Variants in CMTM4 observed in about 807,000 individuals in gnomAD.
CMTM4 encodes the protein CKLF-like MARVEL transmembrane domain-containing protein 4.
In CMTM4, 8 loss-of-function variants were observed where a neutral mutation model predicts 19.0. The ratio of observed to expected loss-of-function variants is 0.42; its 90% CI spans 0.25 to 0.76. CMTM4 has a LOEUF of 0.76. Among genes scored for constraint, CMTM4 ranks in the 30% least tolerant of loss-of-function variants. The pLI is 0.27. For missense variants in CMTM4, 228 were observed against 290.2 expected (o/e 0.79, Z 1.56); for synonymous variants, 106 against 121.1 (o/e 0.88, Z 0.82).
intron 2 of CMTM4, among the ~76,000 whole-genome samples, chr16:66,629,899 G>A (rs1181724668): frequency 6.6e-6 from 1 of 152,182 alleles, no homozygotes; most frequent in Non-Finnish European, 1.5e-5. Context: ...CTGCATCTGA[G>A]GCCCTCCAGA....
In CMTM4 at chr16:66,617,175, A is replaced by AAGTCACCTGAATTAAAGCCTC; in HGVS notation, c.*4862_*4882dup. 1 of 1,161,512 alleles carries AAGTCACCTGAATTAAAGCCTC rather than the reference A, an allele frequency of 8.6e-7. No homozygotes were observed. The highest frequency in any genetic ancestry group is 2.3e-5 in the Admixed American group (1 of 44,262). The allele number at this position is 1,161,512 out of a possible 1,614,324, so 72.0% of individuals were successfully genotyped here. On this transcript the variant is annotated 3_prime_UTR_variant, in exon 4 of 4. Transcript: ENST00000394106. ...ACGCCACCCCAGGTGTCTAGATAGC[A>AAGTCACCTGAATTAAAGCCTC]AGTCACCTGAATTAAAGCCTCAGCA... is the stretch of plus-strand genomic sequence containing the variant.
At chr16:66,689,126 A>G (rs2017090532) in intron 1 of CMTM4, among the ~76,000 whole-genome samples, 1 of 152,168 alleles carries the variant, frequency 6.6e-6, no homozygotes, top group Admixed American at 6.5e-5. Context: ...GTCTCCTATT[A>G]ATTTTTTTGC....
chr16:66,605,957 C>G, the CMTM4 span, among the ~76,000 whole-genome samples: 1 of 151,928 alleles, frequency 6.6e-6, no homozygotes, highest in Non-Finnish European at 1.5e-5. The surrounding 1 kb of genome is among the most constrained non-coding windows in gnomAD (Gnocchi z 4.6). Context: ...CCAGCCCCAC[C>G]CTGGAGACCA....
intron 2 of CMTM4, among the ~76,000 whole-genome samples, chr16:66,630,611 AT>A (rs1280812782): frequency 6.6e-6 from 1 of 151,864 alleles, no homozygotes; most frequent in African/African-American, 2.4e-5. Context: ...AGGTGCCGGG[AT>A]TGCAGACGGA....
At chr16:66,633,781 G>A (rs1026374651) in intron 2 of CMTM4, among the ~76,000 whole-genome samples, 7 of 149,408 alleles carry the variant, frequency 4.7e-5, no homozygotes, top group Non-Finnish European at 8.9e-5. Context: ...TCGCACCACT[G>A]CACTCCAGCC....
At chr16:66,642,273 C>T (rs778055056) in intron 1 of CMTM4, among the ~76,000 whole-genome samples, 2 of 152,148 alleles carry the variant, frequency 1.3e-5, no homozygotes, top group Non-Finnish European at 2.9e-5. Context: ...GCAAATGTCA[C>T]GTGAACAAAT....
intron 1 of CMTM4, among the ~76,000 whole-genome samples, chr16:66,677,513 C>T (rs2016830381): frequency 1.3e-5 from 2 of 152,240 alleles, no homozygotes; most frequent in South Asian, 4.1e-4. Flanking sequence ...CAGAACCTGG[C>T]TAAATTAAGC....
the CMTM4 span, among the ~76,000 whole-genome samples, chr16:66,601,994 G>A: frequency 2.0e-5 from 3 of 152,338 alleles, no homozygotes; most frequent in East Asian, 5.8e-4. Context: ...CCCAGGCCAT[G>A]CCTCCCTGCT....
the CMTM4 span, among the ~76,000 whole-genome samples, chr16:66,601,874 C>T: frequency 1.3e-5 from 2 of 152,170 alleles, no homozygotes; most frequent in African/African-American, 4.8e-5. Context: ...AAGGGGGTCC[C>T]AGGGCTCCTG....
chr16:66,653,643 TA>T (rs1348083444), intron 1 of CMTM4, among the ~76,000 whole-genome samples: 2 of 152,248 alleles, frequency 1.3e-5, no homozygotes, highest in African/African-American at 2.4e-5. Flanking sequence ...GCCCTTCTAC[TA>T]TGAGTCAAAT....
chr16:66,693,612 CCCTTT>C (rs961457423), intron 1 of CMTM4, among the ~76,000 whole-genome samples: 1 of 152,200 alleles, frequency 6.6e-6, no homozygotes, highest in Admixed American at 6.6e-5. Flanking sequence ...TCAAGCAGGT[CCCTTT>C]CCTTTACTCA....
the CMTM4 span, among the ~76,000 whole-genome samples, chr16:66,603,477 C>G: frequency 6.6e-6 from 1 of 152,024 alleles, no homozygotes; most frequent in African/African-American, 2.4e-5. Flanking sequence ...TTAGTAGACA[C>G]GGGGTTTCAC....
chr16:66,605,983 G>A, the CMTM4 span, among the ~76,000 whole-genome samples: 2 of 152,022 alleles, frequency 1.3e-5, no homozygotes, highest in African/African-American at 2.4e-5. This position sits in a 1 kb window ranked among gnomAD's most constrained non-coding sequence, Gnocchi z 4.6. Context: ...AGCCACTTGA[G>A]GGGAGAAGCC....
chr16:66,646,030 C>T (rs1417574842), intron 1 of CMTM4, among the ~76,000 whole-genome samples: 1 of 152,050 alleles, frequency 6.6e-6, no homozygotes, highest in Non-Finnish European at 1.5e-5. Flanking sequence ...GAATAAACAA[C>T]AGCACATCTA....
intron 1 of CMTM4, among the ~76,000 whole-genome samples, chr16:66,686,637 G>T (rs908270944): frequency 2.6e-5 from 4 of 151,474 alleles, no homozygotes; most frequent in African/African-American, 9.7e-5. Flanking sequence ...AGGACTTACA[G>T]AGGTCACCAT....
intron 1 of CMTM4, among the ~76,000 whole-genome samples, chr16:66,658,169 G>T (rs1006358309): frequency 4.6e-5 from 7 of 151,552 alleles, no homozygotes; most frequent in Non-Finnish European, 2.9e-5. Context: ...GGTCTAGGCT[G>T]CAGTGAGCTA....
intron 1 of CMTM4, among the ~76,000 whole-genome samples, chr16:66,654,733 G>A (rs1364179801): frequency 1.3e-5 from 2 of 152,158 alleles, no homozygotes; most frequent in African/African-American, 4.8e-5. Flanking sequence ...TTTATAAATT[G>A]TAAAATGGGT....
At chr16:66,677,236 C>CA (rs200977015) in intron 1 of CMTM4, among the ~76,000 whole-genome samples, 7,303 of 152,052 alleles carry the variant, frequency 0.048, 283 homozygotes, top group Admixed American at 0.11. Flanking sequence ...GACCCTGTCT[C>CA]AAAAAAATAT....
In CMTM4 at chr16:66,617,660, A is replaced by G; in HGVS notation, c.*4398T>C. The G allele has an allele frequency of 9.0e-7, 1 of 1,117,030 alleles. No homozygotes were observed. Among genetic ancestry groups the G allele is most frequent in the Non-Finnish European group, 1.1e-6 (1 of 909,472 alleles). 69.2% of individuals were successfully genotyped at this position (1,117,030 alleles called of 1,614,324 possible). A position where few individuals can be genotyped will look rare whatever the true frequency, so the allele number is the denominator to read the frequency against. On this transcript the variant is annotated 3_prime_UTR_variant, in exon 4 of 4. Coordinates refer to ENST00000394106, the MANE Select transcript of CMTM4 (RefSeq NM_181521.3). ...CCAGACAGTTCTTGTGACTTGAATG[A>G]TATCTGCTGAGAAGAGAAGAAACAC...
Sources: allele counts gnomAD v4.1 joint callset (sites outside exome capture counted in the v4.1 genomes callset), GRCh38; gene constraint gnomAD v4.1.1; non-coding constraint Gnocchi (gnomAD v3.1); transcripts MANE v1.5; gene names NCBI Gene and HGNC (gene_info 2026-07-23, HGNC 2026-07-21).